Variants in PTPRQ observed in about 807,000 individuals in gnomAD.
PTPRQ encodes protein tyrosine phosphatase receptor type Q.
Under a neutral mutation model 246.0 loss-of-function variants are expected in PTPRQ, and 199 were observed. That is an observed-to-expected ratio of 0.81 (90% CI 0.72 to 0.91). PTPRQ has a LOEUF of 0.91. Ranked by LOEUF, PTPRQ falls within the 40% of genes least tolerant of loss-of-function variation. The probability of loss-of-function intolerance (pLI) is 0.00; values close to 1 mark genes in which losing one functional copy is unlikely to be tolerated. For missense variants in PTPRQ, 2,624 were observed against 2,528.4 expected, an observed-to-expected ratio of 1.04 and a Z score of -0.81; for synonymous variants, 869 against 853.2, an observed-to-expected ratio of 1.02 and a Z score of -0.32.
rs114227221 is a variant in PTPRQ, at chr12:80,581,502, G to A, written c.4286-6627G>A. ...AGTACGAAATTAGTTGGGTGTGATG[G>A]CACACGCCTGTGATTCCAGCTACCC... On this transcript the variant is annotated intron_variant, in intron 25 of 44. Transcript: ENST00000644991. Among the ~76,000 whole-genome samples the A allele has an allele frequency of 4.3e-3, 653 of 152,136 alleles. 4 individuals carry two copies. Among genetic ancestry groups the A allele is most frequent in the African/African-American group, 0.015 (619 of 41,442 alleles).
chr12:80,511,311 T>C (rs903619693), intron 17 of PTPRQ, among the ~76,000 whole-genome samples: 3 of 152,158 alleles, frequency 2.0e-5, no homozygotes, highest in Non-Finnish European at 4.4e-5. Context: ...TTGTTTTCTT[T>C]GTTGCCTGAT....
chr12:80,614,842 T>C (rs1365998374), intron 29 of PTPRQ, among the ~76,000 whole-genome samples: 1 of 150,972 alleles, frequency 6.6e-6, no homozygotes, highest in Non-Finnish European at 1.5e-5. Context: ...TAAATATTCA[T>C]AGTTATGGTA....
intron 35 of PTPRQ, among the ~76,000 whole-genome samples, chr12:80,645,125 A>T (rs553829861): frequency 6.6e-6 from 1 of 152,226 alleles, no homozygotes; most frequent in Admixed American, 6.5e-5. Context: ...GAGTGATACA[A>T]AAGAAAATAA....
chr12:80,600,586 G>A (rs539360508), intron 26 of PTPRQ, among the ~76,000 whole-genome samples: 39 of 151,852 alleles, frequency 2.6e-4, no homozygotes, highest in African/African-American at 8.0e-4. Flanking sequence ...TCTGGGCAAC[G>A]ATAATGTGCC....
intron 25 of PTPRQ, chr12:80,586,477 A>G (rs933344166): frequency 1.3e-5 from 2 of 151,644 alleles, no homozygotes; most frequent in African/African-American, 4.9e-5. Context: ...CCATTGTGGA[A>G]GTCAGTGTGG....
At chr12:80,569,642 G>A (rs553395452) in intron 25 of PTPRQ, among the ~76,000 whole-genome samples, 1 of 151,138 alleles carries the variant, frequency 6.6e-6, no homozygotes, top group East Asian at 2.0e-4. Context: ...GAACATGCAG[G>A]TTTCTTACAT....
intron 7 of PTPRQ, among the ~76,000 whole-genome samples, chr12:80,470,643 G>A (rs1042395036): frequency 6.6e-6 from 1 of 152,158 alleles, no homozygotes; most frequent in African/African-American, 2.4e-5. Context: ...AAGGGCGAGG[G>A]AATTGGAGGC....
intron 17 of PTPRQ, among the ~76,000 whole-genome samples, chr12:80,522,080 C>T (rs1030117267): frequency 3.9e-5 from 6 of 152,104 alleles, no homozygotes; most frequent in African/African-American, 1.4e-4. Context: ...TCCTTCACAT[C>T]CCTTGTAAGT....
intron 25 of PTPRQ, among the ~76,000 whole-genome samples, chr12:80,573,497 A>T (rs1488679082): frequency 6.6e-6 from 1 of 152,150 alleles, no homozygotes; most frequent in Non-Finnish European, 1.5e-5. Flanking sequence ...TTAAAAAAAA[A>T]AAAAATTATT....
intron 9 of PTPRQ, among the ~76,000 whole-genome samples, chr12:80,485,407 G>C (rs574680693): frequency 6.6e-6 from 1 of 152,216 alleles, no homozygotes; most frequent in Non-Finnish European, 1.5e-5. Context: ...AGACAAACAC[G>C]ATAGTTATTC....
intron 43 of PTPRQ, among the ~76,000 whole-genome samples, chr12:80,678,170 C>T (rs374844430): frequency 1.3e-5 from 2 of 149,192 alleles, no homozygotes; most frequent in East Asian, 2.0e-4. Flanking sequence ...ATTTTAAATG[C>T]GCTGATGATG....
At position 80,600,987 on chromosome 12, in the gene PTPRQ, G is replaced by A. The variant is rs75796510; in HGVS notation, c.4610-4072G>A. On this transcript the variant is annotated intron_variant, in intron 26 of 44. Transcript: ENST00000644991. ...CGAAATCCTGCCTCAGGGTCTTCAC[G>A]CTGGCCATTCTCCTCCTGGACACTC... is the stretch of plus-strand genomic sequence containing the variant. Among the ~76,000 whole-genome samples the A allele has an allele frequency of 4.6e-3, 702 of 151,568 alleles. 4 individuals are homozygous for A. The highest frequency in any genetic ancestry group is 0.015 in the African/African-American group (628 of 41,382).
At chr12:80,462,224 G>C (rs1023231046) in intron 6 of PTPRQ, among the ~76,000 whole-genome samples, 1 of 152,150 alleles carries the variant, frequency 6.6e-6, no homozygotes, top group South Asian at 2.1e-4. Flanking sequence ...CCTGCACATG[G>C]CTCAGGGGGT....
At chr12:80,591,840 C>A (rs1302179243) in intron 26 of PTPRQ, among the ~76,000 whole-genome samples, 1 of 152,168 alleles carries the variant, frequency 6.6e-6, no homozygotes, top group African/African-American at 2.4e-5. Flanking sequence ...TTCTGAGTAT[C>A]TCACTTGGGG....
At chr12:80,619,598 C>A in intron 31 of PTPRQ, 56 bp downstream of exon 31, 1 of 1,328,370 alleles carries the variant, frequency 7.5e-7, no homozygotes. Context: ...TTACTGAGTG[C>A]TAAAAAGAAT....
chr12:80,606,708 G>T (rs1351891740), intron 27 of PTPRQ, among the ~76,000 whole-genome samples: 1 of 150,752 alleles, frequency 6.6e-6, no homozygotes, highest in Non-Finnish European at 1.5e-5. Flanking sequence ...TATCTCAAAA[G>T]ACCTGTCATC....
chr12:80,466,416 A>C (rs1893415632), intron 6 of PTPRQ, among the ~76,000 whole-genome samples: 1 of 152,212 alleles, frequency 6.6e-6, no homozygotes, highest in South Asian at 2.1e-4. Context: ...AATATCATGA[A>C]AATGGCCACA....
rs368441771 is a variant in PTPRQ, at chr12:80,477,581, G to A, written c.1186+5330G>A. On this transcript the variant is annotated intron_variant, in intron 8 of 44. Coordinates refer to ENST00000644991, the MANE Select transcript of PTPRQ (RefSeq NM_001145026.2). ...GTCTACAGCTCCCAGCGTGAACGAC[G>A]CAGAAGACGGGTGATTTCTGCATTT... Among the ~76,000 whole-genome samples the A allele has an allele frequency of 5.3e-5, 8 of 152,288 alleles. No homozygotes were observed. The East Asian group carries it at 7.7e-4, about 15-fold the overall frequency.
chr12:80,503,576 G>A (rs1894867046), intron 14 of PTPRQ, among the ~76,000 whole-genome samples: 1 of 151,622 alleles, frequency 6.6e-6, no homozygotes, highest in Non-Finnish European at 1.5e-5. Flanking sequence ...CTAATAAAAA[G>A]TTTAATTTCT....
Sources: gnomAD v4.1 joint callset for allele counts (sites outside exome capture counted in the v4.1 genomes callset) on GRCh38, gnomAD v4.1.1 for gene constraint, MANE v1.5 for transcripts, NCBI Gene and HGNC (gene_info 2026-07-23, HGNC 2026-07-21) for gene names.